ESR1: variants seen among roughly 807,000 people sequenced by gnomAD.
The protein encoded by ESR1 is estrogen receptor.
ESR1 carries 12 observed loss-of-function variants against 52.7 expected under a neutral mutation model. The observed-to-expected ratio is 0.23, with a 90% confidence interval of 0.15 to 0.37. The LOEUF is 0.37. Ranked by LOEUF, ESR1 falls within the 10% of genes least tolerant of loss-of-function variation. The probability of loss-of-function intolerance (pLI) is 1.00; values close to 1 mark genes in which losing one functional copy is unlikely to be tolerated. For synonymous variants in ESR1, 305 were observed against 316.8 expected, an observed-to-expected ratio of 0.96 and a Z score of 0.39; for missense variants, 584 against 779.7, an observed-to-expected ratio of 0.75 and a Z score of 2.99.
intron 2 of ESR1, among the ~76,000 whole-genome samples, chr6:151,867,720 C>T (rs1790200452): frequency 6.6e-6 from 1 of 152,136 alleles, no homozygotes. Context: ...ATTAGTTCAA[C>T]CATTGTGGAA....
intron 1 of ESR1, among the ~76,000 whole-genome samples, chr6:151,669,191 G>GAGAGAGAGAGAGAGAGA (rs1562319599): frequency 2.7e-5 from 1 of 37,696 alleles, no homozygotes. Context: ...AGAGAGAGAT[G>GAGAGAGAGAGAGAGAGA]GGAATCCAGG....
intron 5 of ESR1, among the ~76,000 whole-genome samples, chr6:152,044,188 T>C (rs2046035190): frequency 6.6e-6 from 1 of 152,010 alleles, no homozygotes; most frequent in African/African-American, 2.4e-5. Flanking sequence ...GAATCAGGAG[T>C]ATCAGATGCA....
At chr6:152,080,975 AG>A (rs2049151795) in intron 6 of ESR1, among the ~76,000 whole-genome samples, 1 of 152,220 alleles carries the variant, frequency 6.6e-6, no homozygotes, top group Non-Finnish European at 1.5e-5. Flanking sequence ...TCATAAAGCA[AG>A]TCCTTAGAGA....
intron 6 of ESR1, among the ~76,000 whole-genome samples, chr6:152,119,968 G>A (rs2051266379): frequency 6.6e-6 from 1 of 152,150 alleles, no homozygotes; most frequent in Admixed American, 6.5e-5. Flanking sequence ...AAAATGTAAT[G>A]GAAATGGATG....
At chr6:151,844,329 C>G (rs1053432778) in intron 2 of ESR1, among the ~76,000 whole-genome samples, 1 of 152,024 alleles carries the variant, frequency 6.6e-6, no homozygotes. Flanking sequence ...TTTATATAAT[C>G]TAAAATACCA....
At chr6:151,954,494 T>C (rs544023084) in intron 4 of ESR1, among the ~76,000 whole-genome samples, 1 of 152,312 alleles carries the variant, frequency 6.6e-6, no homozygotes, top group Admixed American at 6.5e-5. Context: ...AATTAAAGTT[T>C]CTCTTTGTAG....
At chr6:151,854,167 C>T (rs890461601) in intron 2 of ESR1, among the ~76,000 whole-genome samples, 1 of 152,168 alleles carries the variant, frequency 6.6e-6, no homozygotes, top group African/African-American at 2.4e-5. Context: ...CTATATACTA[C>T]ACTATGTCAG....
intron 2 of ESR1, among the ~76,000 whole-genome samples, chr6:151,723,148 A>T (rs1200150870): frequency 2.0e-5 from 3 of 152,198 alleles, no homozygotes; most frequent in Admixed American, 1.3e-4. Flanking sequence ...ACCTGTCCTC[A>T]CAAGTGGGAG....
intron 4 of ESR1, among the ~76,000 whole-genome samples, chr6:151,965,068 A>G (rs1020039084): frequency 1.1e-4 from 16 of 152,210 alleles, no homozygotes; most frequent in African/African-American, 3.6e-4. Flanking sequence ...TAGTAGGTGA[A>G]CATTGTTAAA....
chr6:151,860,265 G>A (rs1365934655), intron 2 of ESR1, among the ~76,000 whole-genome samples: 2 of 152,010 alleles, frequency 1.3e-5, no homozygotes, highest in African/African-American at 4.8e-5. Context: ...TTTTTGGGGG[G>A]CATGGAGTGA....
intron 3 of ESR1, among the ~76,000 whole-genome samples, chr6:151,902,750 C>T (rs912465189): frequency 6.6e-6 from 1 of 152,130 alleles, no homozygotes; most frequent in African/African-American, 2.4e-5. Flanking sequence ...TTGTATTTGG[C>T]TTATGGTGAG....
chr6:151,837,080 T>C (rs895909850), intron 1 of ESR1, among the ~76,000 whole-genome samples: 45 of 152,184 alleles, frequency 3.0e-4, no homozygotes, highest in African/African-American at 1.1e-3. Flanking sequence ...TCCAAGAGAT[T>C]CTATTCTCTG....
At chr6:152,125,581 G>A in exon 7 of ESR1, 1 of 469,902 alleles carries the variant, frequency 2.1e-6, no homozygotes, top group Non-Finnish European at 3.6e-6. Context: ...TCCTTCCCCT[G>A]ACTTTAAAAT....
intron 2 of ESR1, among the ~76,000 whole-genome samples, chr6:151,856,077 A>T (rs1787774640): frequency 6.6e-6 from 1 of 152,174 alleles, no homozygotes; most frequent in East Asian, 1.9e-4. Context: ...ATTAGCAGTA[A>T]ATCTATTTTG....
At chr6:151,856,266 T>C (rs993478180) in intron 2 of ESR1, among the ~76,000 whole-genome samples, 1 of 152,196 alleles carries the variant, frequency 6.6e-6, no homozygotes, top group South Asian at 2.1e-4. Flanking sequence ...TATTTGATAC[T>C]TTTTATTATG....
At chr6:151,756,598 A>G (rs1222888354) in intron 2 of ESR1, among the ~76,000 whole-genome samples, 2 of 152,180 alleles carry the variant, frequency 1.3e-5, no homozygotes, top group Non-Finnish European at 2.9e-5. Context: ...TGTTTTGTCC[A>G]ATGCTCTATT....
At chr6:151,756,487 C>A (rs995013485) in intron 2 of ESR1, among the ~76,000 whole-genome samples, 1 of 152,050 alleles carries the variant, frequency 6.6e-6, no homozygotes, top group Non-Finnish European at 1.5e-5. Context: ...ACCTTGGCTT[C>A]CCAAAGTGCT....
chr6:151,780,689 G>A (rs565064273), intron 2 of ESR1, among the ~76,000 whole-genome samples: 1 of 152,290 alleles, frequency 6.6e-6, no homozygotes, highest in South Asian at 2.1e-4. Flanking sequence ...ATTCAAATGC[G>A]AGTTAGGCTT....
At chr6:152,093,676 T>C (rs780616409) in intron 6 of ESR1, among the ~76,000 whole-genome samples, 5 of 152,166 alleles carry the variant, frequency 3.3e-5, no homozygotes, top group Admixed American at 6.5e-5. Flanking sequence ...GAAAAACTTA[T>C]GTGGCCGTAA....
Sources: allele counts gnomAD v4.1 joint callset (sites outside exome capture counted in the v4.1 genomes callset), GRCh38; gene constraint gnomAD v4.1.1; transcripts MANE v1.5; gene names NCBI Gene and HGNC (gene_info 2026-07-23, HGNC 2026-07-21).